The following HIKESHI variants were observed in gnomAD, a reference collection of about 807,000 sequenced individuals.
The protein encoded by HIKESHI is heat shock protein nuclear import factor hikeshi.
A neutral mutation model predicts 25.7 loss-of-function variants in HIKESHI; 13 were observed. That is an observed-to-expected ratio of 0.51 (90% CI 0.33 to 0.80). The LOEUF is 0.80. Ranked by LOEUF, HIKESHI falls within the 30% of genes least tolerant of loss-of-function variation. The pLI, the probability that HIKESHI is intolerant of heterozygous loss-of-function variation, is 0.02. For synonymous variants in HIKESHI, 76 were observed against 78.7 expected (o/e 0.97, Z 0.18); for missense variants, 174 against 229.5 (o/e 0.76, Z 1.56).
At chr11:86,338,442 G>A (rs1479130978) in intron 3 of HIKESHI, among the ~76,000 whole-genome samples, 1 of 152,216 alleles carries the variant, frequency 6.6e-6, no homozygotes, top group Non-Finnish European at 1.5e-5. Flanking sequence ...ACAGATTCAG[G>A]AGGCTGGTAG....
Position 86,334,236 on chromosome 11 carries a change from A to ATATG in HIKESHI, c.269-3142_269-3141insATGT, listed in dbSNP as rs1690864368. Reference sequence around the variant, plus strand: ...TTCTTCTCAACATTCTTTGTAAAATATGTGTGTGTGTGTGTGTGTGTGTGT... The same window carrying ATATG: ...TTCTTCTCAACATTCTTTGTAAAATATATGTGTGTGTGTGTGTGTGTGTGTGTGT... On this transcript the variant is annotated intron_variant, in intron 2 of 4. Coordinates refer to ENST00000278483, the MANE Select transcript of HIKESHI (RefSeq NM_016401.4). Among the ~76,000 whole-genome samples, 8 of 147,120 alleles carry ATATG rather than the reference A, an allele frequency of 5.4e-5. 1 individual carries two copies. The South Asian group carries it at 1.7e-3, about 32-fold the overall frequency.
At chr11:86,328,908 G>GTGTTT (rs1311276065) in intron 2 of HIKESHI, among the ~76,000 whole-genome samples, 606 of 38,870 alleles carry the variant, frequency 0.016, 3 homozygotes, top group African/African-American at 0.05. Flanking sequence ...TTTGTGTTTT[G>GTGTTT]TGTGTGTGTG....
intron 2 of HIKESHI, among the ~76,000 whole-genome samples, chr11:86,317,247 G>GTT (rs1166592048): frequency 6.6e-6 from 1 of 152,054 alleles, no homozygotes; most frequent in African/African-American, 2.4e-5. Context: ...GAAGACTTAA[G>GTT]TATTTCTAAG....
intron 2 of HIKESHI, among the ~76,000 whole-genome samples, chr11:86,316,426 C>T (rs1946979558): frequency 6.6e-6 from 1 of 151,986 alleles, no homozygotes; most frequent in South Asian, 2.1e-4. Flanking sequence ...GCAGGAGAAC[C>T]GCTTGAACTC....
chr11:86,328,427 G>GTTTTTT (rs1323519457), intron 2 of HIKESHI, among the ~76,000 whole-genome samples: 1 of 137,008 alleles, frequency 7.3e-6, no homozygotes. Flanking sequence ...CGCAGCTAAT[G>GTTTTTT]TTTTTTGTTT....
chr11:86,342,421 T>C (rs949041058), intron 3 of HIKESHI, among the ~76,000 whole-genome samples: 6 of 151,912 alleles, frequency 3.9e-5, no homozygotes, highest in African/African-American at 1.5e-4. Context: ...GATTTGTGGG[T>C]TTTTTAATGT....
chr11:86,340,360 G>A (rs1287192358), intron 3 of HIKESHI, among the ~76,000 whole-genome samples: 3 of 152,040 alleles, frequency 2.0e-5, no homozygotes, highest in Non-Finnish European at 2.9e-5. Flanking sequence ...TAGTTTATAC[G>A]CCAACCAACA....
chr11:86,312,649 A>G (rs1226325230), intron 2 of HIKESHI, among the ~76,000 whole-genome samples: 1 of 152,200 alleles, frequency 6.6e-6, no homozygotes, highest in African/African-American at 2.4e-5. Context: ...GTTTCTTCCT[A>G]GCATTAATGG....
Position 86,302,657 on chromosome 11 carries a change from T to G in HIKESHI, c.30+179T>G, listed in dbSNP as rs113563490. 3.7e-3 allele frequency among the ~76,000 whole-genome samples: 571 copies of G among 152,370 alleles called. 5 individuals carry two copies. The highest frequency in any genetic ancestry group is 0.013 in the African/African-American group (546 of 41,600). ...TCTCCTTTGCCCAGCTCTATTCAGA[T>G]TCTTTCGAATAGTAGTCACAGTATA... On this transcript the variant is annotated intron_variant, in intron 1 of 4. Coordinates refer to ENST00000278483, the MANE Select transcript of HIKESHI (RefSeq NM_016401.4).
chr11:86,345,712 T>C lies in HIKESHI; in HGVS notation c.*74T>C, dbSNP rs1947854075. On this transcript the variant is annotated 3_prime_UTR_variant, in exon 5 of 5. Transcript: ENST00000278483. ...AGATAACTGACTCCATCTAAAAGTA[T>C]GAGGTCAAAGGATCACGAAACCTAA... 1 of 900,966 alleles carries C rather than the reference T, an allele frequency of 1.1e-6. No homozygotes were observed. Among genetic ancestry groups the C allele is most frequent in the Admixed American group, 2.4e-5 (1 of 41,878 alleles). 55.8% of individuals were successfully genotyped at this position (900,966 alleles called of 1,614,324 possible). A position where few individuals can be genotyped will look rare whatever the true frequency, so the allele number is the denominator to read the frequency against.
rs1946702836 is a variant in HIKESHI, at chr11:86,307,960, A to ATGTGTAATATATAT, written c.268+1479_268+1480insGTGTAATATATATT. On this transcript the variant is annotated intron_variant, in intron 2 of 4. Coordinates refer to ENST00000278483, the MANE Select transcript of HIKESHI (RefSeq NM_016401.4). ...ATATATATTATGTGTAATATATATT[A>ATGTGTAATATATAT]TATAAAATATATATGTGTAATATAT... 3.6e-5 allele frequency among the ~76,000 whole-genome samples: 2 copies of ATGTGTAATATATAT among 55,328 alleles called. 1 individual carries two copies. Among genetic ancestry groups the ATGTGTAATATATAT allele is most frequent in the African/African-American group, 2.0e-4 (2 of 9,792 alleles). The allele number at this position is 55,328 out of a possible 152,430, so 36.3% of individuals were successfully genotyped here.
rs573703414 is a variant in HIKESHI at position 86,304,034 on chromosome 11, G to T, written c.30+1556G>T. ...TGAAATTGAATTTAATACTAATACA[G>T]GCCATTTGGTTTGTGTTATTCCTTT... is the stretch of plus-strand genomic sequence containing the variant. On this transcript the variant is annotated intron_variant, in intron 1 of 4. Transcript: ENST00000278483. Among the ~76,000 whole-genome samples, 11 of 150,924 alleles carry T rather than the reference G, an allele frequency of 7.3e-5. No individual in the cohort carries two copies. In the East Asian group the frequency reaches 9.7e-4, roughly 13 times the overall value.
intron 2 of HIKESHI, among the ~76,000 whole-genome samples, chr11:86,332,148 T>C (rs1947443933): frequency 6.6e-6 from 1 of 152,012 alleles, no homozygotes; most frequent in Admixed American, 6.6e-5. Flanking sequence ...TTTTTTTTAG[T>C]AGAGACGGGG....
rs772666750 is a variant in HIKESHI at position 86,302,442 on chromosome 11, C to G, written c.-7C>G. On this transcript the variant is annotated 5_prime_UTR_variant, in exon 1 of 5. Coordinates refer to ENST00000278483, the MANE Select transcript of HIKESHI (RefSeq NM_016401.4). ...GTCACTGCCGGCTGAACGGAGCTGC[C>G]GTCGCCATGTTTGGCTGCTTGGTGG... is the stretch of plus-strand genomic sequence containing the variant. 9.7e-6 allele frequency: 15 copies of G among 1,554,090 alleles called. No individual in the cohort carries two copies. The South Asian group carries it at 1.2e-4, about 12-fold the overall frequency.
chr11:86,332,583 C>T (rs144383567), intron 2 of HIKESHI, among the ~76,000 whole-genome samples: 10 of 152,246 alleles, frequency 6.6e-5, no homozygotes, highest in African/African-American at 2.2e-4. Context: ...TATATTGAAG[C>T]ATTTTGTTAT....
chr11:86,306,892 C>T (rs902186877), intron 2 of HIKESHI, among the ~76,000 whole-genome samples: 11 of 150,632 alleles, frequency 7.3e-5, no homozygotes, highest in Non-Finnish European at 4.4e-5. Flanking sequence ...CCCAACTACT[C>T]GGGAGGCTGA....
chr11:86,323,981 A>G (rs1460567864), intron 2 of HIKESHI: 1 of 151,948 alleles, frequency 6.6e-6, no homozygotes, highest in East Asian at 1.9e-4. Flanking sequence ...TTTTTATTTT[A>G]TTTTTACATT....
Position 86,344,718 on chromosome 11 carries a change from A to T in HIKESHI, c.536A>T (p.Lys179Ile), listed in dbSNP as rs1395680488. 18 of 1,589,690 alleles carry T rather than the reference A, an allele frequency of 1.1e-5. No homozygotes were observed. The highest frequency in any genetic ancestry group is 1.3e-5 in the Non-Finnish European group (15 of 1,157,966). ...EMFIPANVVL[K>I]WYENFQRRLA... Reference sequence around the variant, plus strand: ...TTCATTCCGGCAAATGTGGTTCTGAAATGGTATGAGGCATTTTCTGTCTCC... The same window carrying T: ...TTCATTCCGGCAAATGTGGTTCTGATATGGTATGAGGCATTTTCTGTCTCC... Residue 179 changes from lysine to isoleucine, a missense_variant, in exon 4 of 5, where the codon AAA becomes ATA. Physicochemically the swap from Lys to Ile is moderately radical, Grantham distance 102. Coordinates refer to ENST00000278483, the MANE Select transcript of HIKESHI (RefSeq NM_016401.4).
intron 2 of HIKESHI, among the ~76,000 whole-genome samples, chr11:86,322,341 A>G (rs1689680294): frequency 6.6e-6 from 1 of 152,082 alleles, no homozygotes; most frequent in African/African-American, 2.4e-5. Context: ...TCTGGTTAAT[A>G]TCCAAATCGT....
Sources: allele counts gnomAD v4.1 joint callset (sites outside exome capture counted in the v4.1 genomes callset), GRCh38; gene constraint gnomAD v4.1.1; transcripts MANE v1.5; gene names NCBI Gene and HGNC (gene_info 2026-07-23, HGNC 2026-07-21).